PTPRN2: variants seen among roughly 807,000 people sequenced by gnomAD.
PTPRN2 encodes the protein protein tyrosine phosphatase receptor type N2.
Under a neutral mutation model 118.8 loss-of-function variants are expected in PTPRN2, and 74 were observed. The observed-to-expected ratio is 0.62, with a 90% CI of 0.52 to 0.76. The LOEUF (loss-of-function observed/expected upper bound fraction) is 0.76, where lower values mean the gene tolerates loss of function less well. PTPRN2 is among the 30% of genes least tolerant of loss of function. PTPRN2 has a pLI of 0.00. For missense variants in PTPRN2, 1,481 were observed against 1,394.4 expected, an observed-to-expected ratio of 1.06 and a Z score of -0.99; for synonymous variants, 641 against 608.0, an observed-to-expected ratio of 1.05 and a Z score of -0.80.
chr7:158,467,290 T>TTG (rs1554510882), intron 2 of PTPRN2, among the ~76,000 whole-genome samples: 3 of 151,764 alleles, frequency 2.0e-5, no homozygotes, highest in Non-Finnish European at 2.9e-5. Flanking sequence ...TGGGTTTTTT[T>TTG]TGTGTGTTGT....
chr7:158,198,328 T>C (rs1448373041), intron 4 of PTPRN2, among the ~76,000 whole-genome samples: 1 of 152,214 alleles, frequency 6.6e-6, no homozygotes, highest in Non-Finnish European at 1.5e-5. Flanking sequence ...TCATCCAGCT[T>C]GAAGTAGGTC....
chr7:158,257,778 G>C (rs943263898), intron 3 of PTPRN2, among the ~76,000 whole-genome samples: 4 of 152,244 alleles, frequency 2.6e-5, no homozygotes, highest in Non-Finnish European at 4.4e-5. Flanking sequence ...CCCTGATGAT[G>C]AGAATCACAG....
chr7:157,877,197 C>T (rs546236118), intron 12 of PTPRN2, among the ~76,000 whole-genome samples: 426 of 143,996 alleles, frequency 3.0e-3, no homozygotes, highest in Non-Finnish European at 5.3e-3. Context: ...TCGGGGACCC[C>T]GGGTCCGAGT....
chr7:158,302,952 T>C (rs1240099686), intron 3 of PTPRN2, among the ~76,000 whole-genome samples: 1 of 152,142 alleles, frequency 6.6e-6, no homozygotes, highest in Non-Finnish European at 1.5e-5. Context: ...TTCTGTTAAA[T>C]GAAACAATGA....
rs375085204 is a variant in PTPRN2, at chr7:157,663,871, A to C, written c.2002-7320T>G. Among the ~76,000 whole-genome samples, 5 of 152,260 alleles carry C rather than the reference A, an allele frequency of 3.3e-5. No individual in the cohort carries two copies. In the East Asian group the frequency reaches 5.8e-4, roughly 18 times the overall value. Reference sequence around the variant, plus strand: ...CTTAACATTTAAAAATTTTGTAAGGAAAAACACACTTCTTACTAGAATGGA... The same window carrying C: ...CTTAACATTTAAAAATTTTGTAAGGCAAAACACACTTCTTACTAGAATGGA... On this transcript the variant is annotated intron_variant, in intron 13 of 22. Transcript: ENST00000389418.
intron 12 of PTPRN2, among the ~76,000 whole-genome samples, chr7:157,894,285 G>T (rs961188952): frequency 1.3e-5 from 2 of 152,228 alleles, no homozygotes; most frequent in African/African-American, 4.8e-5. Context: ...ACTGGGAGCT[G>T]CTGCTGAAGT....
At chr7:158,520,801 G>A (rs1823925094) in intron 1 of PTPRN2, among the ~76,000 whole-genome samples, 1 of 152,184 alleles carries the variant, frequency 6.6e-6, no homozygotes, top group African/African-American at 2.4e-5. Flanking sequence ...TGCCCAGCCA[G>A]GTCACAGTGA....
At chr7:158,399,698 T>C (rs867185865) in intron 2 of PTPRN2, among the ~76,000 whole-genome samples, 4 of 151,014 alleles carry the variant, frequency 2.6e-5, no homozygotes, top group African/African-American at 4.9e-5. Context: ...AACAAGGGAA[T>C]GGAAGGGGAG....
chr7:157,629,881 G>A lies in PTPRN2; in HGVS notation c.2197-8372C>T, dbSNP rs997103163. The stretch of plus-strand genomic sequence containing the variant: ...CCCTTTACATTTTCCTTCTTGTGAC[G>A]AGACCACAGGTTTGTGTGTTGAAGT... On this transcript the variant is annotated intron_variant, in intron 14 of 22. Transcript: ENST00000389418. This position sits in a 1 kb window ranked among gnomAD's most constrained non-coding sequence, Gnocchi z 4.4. Among the ~76,000 whole-genome samples, 27 of 152,154 alleles carry A rather than the reference G, an allele frequency of 1.8e-4. No individual in the cohort carries two copies. The highest frequency in any genetic ancestry group is 5.8e-4 in the African/African-American group (24 of 41,430).
At chr7:158,548,511 C>T (rs1030187989) in intron 1 of PTPRN2, among the ~76,000 whole-genome samples, 5 of 152,198 alleles carry the variant, frequency 3.3e-5, no homozygotes, top group African/African-American at 1.2e-4. Flanking sequence ...TCTTGGTGAC[C>T]CCTCAGCGAT....
chr7:158,122,553 G>A (rs1185383239), intron 9 of PTPRN2, among the ~76,000 whole-genome samples: 1 of 152,168 alleles, frequency 6.6e-6, no homozygotes, highest in African/African-American at 2.4e-5. Context: ...AGTACGTAGG[G>A]GTCGGAAATA....
At chr7:158,501,588 G>A (rs959929238) in intron 1 of PTPRN2, among the ~76,000 whole-genome samples, 1 of 152,150 alleles carries the variant, frequency 6.6e-6, no homozygotes, top group Non-Finnish European at 1.5e-5. Context: ...GTCAGCAGTC[G>A]CAGGGGGGGA....
intron 14 of PTPRN2, among the ~76,000 whole-genome samples, chr7:157,655,368 C>T (rs558264918): frequency 1.3e-5 from 2 of 152,246 alleles, no homozygotes; most frequent in South Asian, 2.1e-4. Context: ...AGGCCTCCAG[C>T]CTTGATCTCC....
At chr7:158,340,435 C>G (rs112100284) in intron 2 of PTPRN2, among the ~76,000 whole-genome samples, 4 of 67,594 alleles carry the variant, frequency 5.9e-5, no homozygotes, top group Non-Finnish European at 1.0e-4. Flanking sequence ...ACACTCTCAC[C>G]GTAAGAGCTG....
At chr7:158,242,713 G>A (rs34939111) in intron 3 of PTPRN2, among the ~76,000 whole-genome samples, 13,509 of 152,148 alleles carry the variant, frequency 0.089, 635 homozygotes, top group East Asian at 0.15. Context: ...CTCCTTACTC[G>A]TTACAGTCTG....
intron 1 of PTPRN2, among the ~76,000 whole-genome samples, chr7:158,513,267 A>G (rs1823303910): frequency 6.6e-6 from 1 of 152,216 alleles, no homozygotes; most frequent in African/African-American, 2.4e-5. Flanking sequence ...GCCAGGGGAC[A>G]TTCTACAGAC....
At chr7:158,369,761 G>A (rs1004219168) in intron 2 of PTPRN2, among the ~76,000 whole-genome samples, 1 of 152,170 alleles carries the variant, frequency 6.6e-6, no homozygotes, top group African/African-American at 2.4e-5. Context: ...TACATTGAAG[G>A]TACAGGAAAA....
At chr7:158,146,042 C>A (rs1215610236) in intron 6 of PTPRN2, among the ~76,000 whole-genome samples, 1 of 145,244 alleles carries the variant, frequency 6.9e-6, no homozygotes, top group South Asian at 2.2e-4. Context: ...GATGAGAAAT[C>A]ATTTTAGTTT....
In PTPRN2 at chr7:158,573,980, C is replaced by T. The variant is rs60682935; in HGVS notation, c.112+13578G>A. ...TTTGAAAAGATTCTTAGAAAGGAATCGTGGATTGTTAATAAGACAAATACA... is the reference window on the plus strand; with the variant it reads ...TTTGAAAAGATTCTTAGAAAGGAATTGTGGATTGTTAATAAGACAAATACA... On this transcript the variant is annotated intron_variant, in intron 1 of 22. Transcript: ENST00000389418. Among the ~76,000 whole-genome samples the T allele has an allele frequency of 4.4e-3, 664 of 152,260 alleles. 2 individuals carry two copies. Among genetic ancestry groups the T allele is most frequent in the African/African-American group, 0.015 (616 of 41,536 alleles).
Sources: gnomAD v4.1 joint callset for allele counts (sites outside exome capture counted in the v4.1 genomes callset) on GRCh38, gnomAD v4.1.1 for gene constraint, Gnocchi (gnomAD v3.1) non-coding constraint, MANE v1.5 for transcripts, NCBI Gene and HGNC (gene_info 2026-07-23, HGNC 2026-07-21) for gene names.